PLSCR2: variants seen among roughly 807,000 people sequenced by gnomAD.
The protein encoded by PLSCR2 is PL scramblase 2.
A neutral mutation model predicts 25.3 loss-of-function variants in PLSCR2; 18 were observed. The observed-to-expected ratio is 0.71, with a 90% CI of 0.49 to 1.06. PLSCR2 has a LOEUF of 1.06. Among genes scored for constraint, PLSCR2 ranks in the 50% least tolerant of loss-of-function variants. The probability of loss-of-function intolerance (pLI) is 0.00; values close to 1 mark genes in which losing one functional copy is unlikely to be tolerated. For missense variants in PLSCR2, 243 were observed against 269.5 expected, an observed-to-expected ratio of 0.90 and a Z score of 0.69; for synonymous variants, 88 against 87.3, an observed-to-expected ratio of 1.01 and a Z score of -0.04.
chr3:146,459,810 T>C, intron 2 of PLSCR2, 38 bp downstream of exon 2: 1 of 1,415,442 alleles, frequency 7.1e-7, no homozygotes, highest in Non-Finnish European at 9.8e-7. Flanking sequence ...AAAGAGAGTT[T>C]TTTTTTTTTT....
chr3:146,411,073 A>T (rs1452861596), intron 2 of PLSCR2, among the ~76,000 whole-genome samples: 1 of 151,994 alleles, frequency 6.6e-6, no homozygotes, highest in Non-Finnish European at 1.5e-5. Flanking sequence ...AGAATTTATA[A>T]CAGTTTTTTT....
chr3:146,467,862 T>A (rs540636731), intron 1 of PLSCR2, among the ~76,000 whole-genome samples: 1 of 152,008 alleles, frequency 6.6e-6, no homozygotes, highest in African/African-American at 2.4e-5. Context: ...CTAGTAGAAG[T>A]CCTAAGCTGC....
At chr3:146,397,141 T>C (rs942887055) in intron 2 of PLSCR2, among the ~76,000 whole-genome samples, 3 of 152,066 alleles carry the variant, frequency 2.0e-5, no homozygotes, top group South Asian at 2.1e-4. Flanking sequence ...TCTGTTCTTT[T>C]ACAATCAAAG....
intron 2 of PLSCR2, among the ~76,000 whole-genome samples, chr3:146,402,192 A>T (rs2038495478): frequency 6.6e-6 from 1 of 152,140 alleles, no homozygotes; most frequent in Non-Finnish European, 1.5e-5. Flanking sequence ...GGCAATACTT[A>T]TTATCCCCTA....
chr3:146,429,989 T>C (rs1420212714), downstream of PLSCR2, among the ~76,000 whole-genome samples: 1 of 152,126 alleles, frequency 6.6e-6, no homozygotes, highest in Non-Finnish European at 1.5e-5. Flanking sequence ...CTTTCTGTCC[T>C]AGGATAATTA....
intron 1 of PLSCR2, among the ~76,000 whole-genome samples, chr3:146,487,728 T>C (rs561055706): frequency 4.6e-5 from 7 of 152,220 alleles, no homozygotes; most frequent in African/African-American, 1.7e-4. Context: ...ATCAATATCA[T>C]AAAAATGGCC....
In PLSCR2 at chr3:146,408,138, C is replaced by T. The variant is rs572142571; in HGVS notation, c.101-12217G>A. Among the ~76,000 whole-genome samples, 18 of 152,300 alleles carry T rather than the reference C, an allele frequency of 1.2e-4. No homozygotes were observed. The East Asian group carries it at 3.1e-3, about 26-fold the overall frequency. On this transcript the variant is annotated intron_variant and NMD_transcript_variant, in intron 2 of 3. Coordinates refer to the PLSCR2 transcript ENST00000463633. ...AAATTTTGGCCTAGAGTCAACTTAT[C>T]AGCCTCTTGGACTAGGCTTGCTGCA...
At chr3:146,482,119 A>C (rs979192782) in intron 1 of PLSCR2, among the ~76,000 whole-genome samples, 2 of 152,176 alleles carry the variant, frequency 1.3e-5, no homozygotes, top group African/African-American at 4.8e-5. Context: ...AAACCATAAA[A>C]ACCCTAGGAG....
chr3:146,495,330 A>G (rs867015282), intron 1 of PLSCR2, among the ~76,000 whole-genome samples: 1 of 152,222 alleles, frequency 6.6e-6, no homozygotes, highest in African/African-American at 2.4e-5. Flanking sequence ...GTCTCTAAAA[A>G]TACATCACAA....
chr3:146,462,011 G>T, upstream of PLSCR2: 1 of 785,240 alleles, frequency 1.3e-6, no homozygotes, highest in Non-Finnish European at 1.9e-6. Flanking sequence ...ATTATAGGGA[G>T]GAAATTAAAC....
exon 2 of PLSCR2, chr3:146,459,884 T>C (rs778199181): frequency 2.5e-6 from 4 of 1,612,406 alleles, no homozygotes; most frequent in East Asian, 4.5e-5. Flanking sequence ...GACAGTTTAA[T>C]GGTGGTGGTG....
downstream of PLSCR2, among the ~76,000 whole-genome samples, chr3:146,436,923 G>C (rs2039900528): frequency 6.6e-6 from 1 of 152,002 alleles, no homozygotes; most frequent in Non-Finnish European, 1.5e-5. Flanking sequence ...GTGATAAATA[G>C]CTCTCATTAT....
chr3:146,401,412 A>G (rs1260572206), intron 2 of PLSCR2: 2 of 152,514 alleles, frequency 1.3e-5, no homozygotes, highest in Non-Finnish European at 2.9e-5. Context: ...ATCTCTACCT[A>G]CATTATCATA....
downstream of PLSCR2, among the ~76,000 whole-genome samples, chr3:146,441,396 TATA>T (rs1347341178): frequency 2.0e-5 from 3 of 151,930 alleles, no homozygotes; most frequent in East Asian, 1.9e-4. Context: ...AAAAATAAAA[TATA>T]ATGATACATT....
downstream of PLSCR2, among the ~76,000 whole-genome samples, chr3:146,430,575 T>A (rs982918780): frequency 1.3e-5 from 2 of 152,174 alleles, no homozygotes; most frequent in Non-Finnish European, 2.9e-5. Context: ...TACACTAATG[T>A]TACAGTAGCT....
At chr3:146,419,960 C>T (rs183597105) in intron 2 of PLSCR2, among the ~76,000 whole-genome samples, 20 of 152,110 alleles carry the variant, frequency 1.3e-4, no homozygotes, top group Admixed American at 1.1e-3. Context: ...TCCTTGGGGG[C>T]CATTATTCTA....
chr3:146,437,290 T>A (rs530243129), downstream of PLSCR2, among the ~76,000 whole-genome samples: 1 of 152,294 alleles, frequency 6.6e-6, no homozygotes, highest in South Asian at 2.1e-4. Flanking sequence ...GCTGGCCTCA[T>A]AAAATGGGTT....
At chr3:146,436,039 C>T (rs1177717958) in intron 8 of PLSCR2, among the ~76,000 whole-genome samples, 2 of 152,126 alleles carry the variant, frequency 1.3e-5, no homozygotes, top group East Asian at 1.9e-4. Flanking sequence ...AATCCTTTCC[C>T]CATTTCTTGT....
intron 1 of PLSCR2, among the ~76,000 whole-genome samples, chr3:146,475,484 A>G (rs950107415): frequency 2.6e-5 from 4 of 152,148 alleles, no homozygotes; most frequent in Admixed American, 6.5e-5. Flanking sequence ...GTTGAAAACC[A>G]TATATTTAGA....
Sources: allele counts gnomAD v4.1 joint callset (sites outside exome capture counted in the v4.1 genomes callset), GRCh38; gene constraint gnomAD v4.1.1; transcripts MANE v1.5; gene names NCBI Gene and HGNC (gene_info 2026-07-23, HGNC 2026-07-21).